ACOT1: variants seen among roughly 807,000 people sequenced by gnomAD.
ACOT1 encodes the protein acyl-coenzyme A thioesterase 1.
A neutral mutation model predicts 15.7 loss-of-function variants in ACOT1; 8 were observed. The observed-to-expected ratio is 0.51, with a 90% CI of 0.30 to 0.92. ACOT1 has a LOEUF of 0.92. Ranked by LOEUF, ACOT1 falls within the 40% of genes least tolerant of loss-of-function variation. ACOT1 has a pLI of 0.06. For missense variants in ACOT1, 151 were observed against 539.4 expected, an observed-to-expected ratio of 0.28 and a Z score of 7.13; for synonymous variants, 67 against 241.2, an observed-to-expected ratio of 0.28 and a Z score of 6.69.
the ACOT1 span, among the ~76,000 whole-genome samples, chr14:73,512,371 A>G: frequency 2.0e-5 from 3 of 152,306 alleles, no homozygotes; most frequent in East Asian, 5.8e-4. Flanking sequence ...TCCCAACCCC[A>G]TCGTATCTAT....
chr14:73,514,114 G>T, the ACOT1 span: 1 of 1,614,144 alleles, frequency 6.2e-7, no homozygotes, highest in Non-Finnish European at 8.5e-7. Context: ...CAGTGATTTT[G>T]CCTGCTTCTT....
At chr14:73,506,798 TTAAC>T in the ACOT1 span, among the ~76,000 whole-genome samples, 1 of 136,478 alleles carries the variant, frequency 7.3e-6, no homozygotes, top group Non-Finnish European at 1.5e-5. Flanking sequence ...TTTCCTGACT[TTAAC>T]TGTTTTTTTT....
chr14:73,529,612 A>G, the ACOT1 span, among the ~76,000 whole-genome samples: 1 of 151,580 alleles, frequency 6.6e-6, no homozygotes, highest in Non-Finnish European at 1.5e-5. Context: ...TCAACTCAAA[A>G]TGGGTAGTAT....
the ACOT1 span, among the ~76,000 whole-genome samples, chr14:73,516,970 G>A: frequency 6.6e-6 from 1 of 152,190 alleles, no homozygotes. Context: ...CCGATCTAAA[G>A]GGAGCACACA....
At chr14:73,514,169 G>C in the ACOT1 span, 2 of 1,614,074 alleles carry the variant, frequency 1.2e-6, no homozygotes, top group African/African-American at 2.7e-5. Context: ...CCCACCTGCA[G>C]CAGCATATCC....
At chr14:73,511,520 AAAATAAATAAATAAAT>A in the ACOT1 span, among the ~76,000 whole-genome samples, 2,662 of 141,748 alleles carry the variant, frequency 0.019, 34 homozygotes, top group Middle Eastern at 0.039. Flanking sequence ...CTCTGTCTCA[AAAATAAATAAATAAAT>A]AAATAAATAA....
the ACOT1 span, among the ~76,000 whole-genome samples, chr14:73,505,239 A>C: frequency 6.6e-6 from 1 of 152,078 alleles, no homozygotes; most frequent in Non-Finnish European, 1.5e-5. Context: ...TTTAACCAAT[A>C]AATTTAACCC....
the ACOT1 span, chr14:73,498,307 C>T: frequency 5.6e-6 from 9 of 1,610,866 alleles, no homozygotes; most frequent in African/African-American, 5.3e-5. Context: ...GCAGAAGATC[C>T]GTCAGCTCGG....
the ACOT1 span, among the ~76,000 whole-genome samples, chr14:73,504,432 C>T: frequency 1.3e-5 from 2 of 152,028 alleles, no homozygotes; most frequent in African/African-American, 4.8e-5. Context: ...TTAGTAGAGA[C>T]AGGGTTTCAC....
At chr14:73,518,517 T>C in the ACOT1 span, among the ~76,000 whole-genome samples, 1 of 152,206 alleles carries the variant, frequency 6.6e-6, no homozygotes, top group African/African-American at 2.4e-5. Context: ...TAGAGTCTTG[T>C]GGAAGATGTG....
At chr14:73,501,823 C>T in the ACOT1 span, among the ~76,000 whole-genome samples, 1 of 151,428 alleles carries the variant, frequency 6.6e-6, no homozygotes, top group Non-Finnish European at 1.5e-5. Flanking sequence ...GCGTGATCTC[C>T]GCTCACTGCA....
At chr14:73,492,962 A>G in the ACOT1 span, 1 of 1,610,946 alleles carries the variant, frequency 6.2e-7, no homozygotes, top group South Asian at 1.1e-5. The surrounding 1 kb of genome is among the most constrained non-coding windows in gnomAD (Gnocchi z 4.9). Flanking sequence ...TGATTGCTGG[A>G]AACAAGGCAG....
chr14:73,501,433 T>C, the ACOT1 span, among the ~76,000 whole-genome samples: 3 of 151,694 alleles, frequency 2.0e-5, no homozygotes, highest in East Asian at 5.8e-4. Context: ...CCTTAAATTA[T>C]TTTTAGAGAT....
At chr14:73,500,888 G>A in the ACOT1 span, among the ~76,000 whole-genome samples, 5 of 152,294 alleles carry the variant, frequency 3.3e-5, no homozygotes, top group Admixed American at 6.5e-5. Context: ...TACAGAGCTC[G>A]ATTGTCTTCT....
chr14:73,509,203 A>G, the ACOT1 span: 1 of 1,093,920 alleles, frequency 9.1e-7, no homozygotes, highest in South Asian at 1.4e-5. Flanking sequence ...TCTAAACCCA[A>G]TACAGCAGAC....
At chr14:73,512,022 G>C in the ACOT1 span, 1 of 1,613,974 alleles carries the variant, frequency 6.2e-7, no homozygotes, top group East Asian at 2.2e-5. Flanking sequence ...CTCTCTGGCT[G>C]GTGGCAATCC....
At chr14:73,523,619 G>A in the ACOT1 span, among the ~76,000 whole-genome samples, 2 of 152,194 alleles carry the variant, frequency 1.3e-5, no homozygotes, top group African/African-American at 4.8e-5. Context: ...GTCCTGGCAT[G>A]TAACCTCTGC....
chr14:73,514,073 G>A, the ACOT1 span: 1 of 1,614,152 alleles, frequency 6.2e-7, no homozygotes, highest in East Asian at 2.2e-5. Flanking sequence ...ATCCTCCGCA[G>A]GACCACCAGT....
the ACOT1 span, chr14:73,498,238 G>C: frequency 2.5e-6 from 4 of 1,614,016 alleles, no homozygotes; most frequent in Admixed American, 6.7e-5. Flanking sequence ...TCAGGGCTAG[G>C]ATGCTACGGC....
Sources: gnomAD v4.1 joint callset for allele counts (sites outside exome capture counted in the v4.1 genomes callset) on GRCh38, gnomAD v4.1.1 for gene constraint, Gnocchi (gnomAD v3.1) non-coding constraint, MANE v1.5 for transcripts, NCBI Gene and HGNC (gene_info 2026-07-23, HGNC 2026-07-21) for gene names.